The following SLC16A2 variants were observed in gnomAD, a reference collection of about 807,000 sequenced individuals.
SLC16A2 encodes the protein monocarboxylate transporter 8.
Under a neutral mutation model 27.2 loss-of-function variants are expected in SLC16A2, and 3 were observed. That is an observed-to-expected ratio of 0.11 (90% confidence interval 0.05 to 0.28). SLC16A2 has a LOEUF of 0.28. SLC16A2 is among the 10% of genes least tolerant of loss of function. The pLI, the probability that SLC16A2 is intolerant of heterozygous loss-of-function variation, is 1.00. For synonymous variants in SLC16A2, 202 were observed against 187.8 expected (o/e 1.08, Z -0.62); for missense variants, 295 against 458.5 (o/e 0.64, Z 3.26).
chrX:74,484,310 G>A (rs186199184), intron 1 of SLC16A2, among the ~76,000 whole-genome samples: 21 of 111,582 alleles, frequency 1.9e-4, no homozygotes, highest in African/African-American at 6.8e-4. Context: ...GTTCAGAAAG[G>A]CAAAACAACT....
intron 1 of SLC16A2, among the ~76,000 whole-genome samples, chrX:74,504,027 G>T (rs1026620112): frequency 8.9e-6 from 1 of 112,352 alleles, no homozygotes; most frequent in Non-Finnish European, 1.9e-5. Flanking sequence ...GTTAACTATT[G>T]TTACTACTAG....
intron 1 of SLC16A2, among the ~76,000 whole-genome samples, chrX:74,427,567 C>G (rs1339589002): frequency 1.8e-5 from 2 of 111,879 alleles, no homozygotes; most frequent in East Asian, 2.8e-4. Context: ...GCCATATCAA[C>G]CTTTTGAGCA....
intron 1 of SLC16A2, among the ~76,000 whole-genome samples, chrX:74,496,143 G>A (rs757036593): frequency 1.1e-4 from 12 of 111,203 alleles, no homozygotes; most frequent in African/African-American, 3.9e-4. Flanking sequence ...GTCAGGGGTG[G>A]GGATGGTGAA....
At chrX:74,463,374 A>G (rs377051719) in intron 1 of SLC16A2, among the ~76,000 whole-genome samples, 1 of 112,198 alleles carries the variant, frequency 8.9e-6, no homozygotes, top group African/African-American at 3.2e-5. Context: ...ATGATGGTAG[A>G]AACAGAGAAG....
intron 1 of SLC16A2, among the ~76,000 whole-genome samples, chrX:74,480,627 C>T (rs368295877): frequency 4.4e-5 from 5 of 112,443 alleles, no homozygotes; most frequent in African/African-American, 1.6e-4. Context: ...CTTGGCTCCA[C>T]CCTCAAGAAA....
intron 1 of SLC16A2, among the ~76,000 whole-genome samples, chrX:74,451,043 G>T (rs1178385666): frequency 8.9e-6 from 1 of 111,748 alleles, no homozygotes; most frequent in Non-Finnish European, 1.9e-5. Flanking sequence ...GGGTTTCCAT[G>T]GGGATCTGTG....
chrX:74,432,741 G>T (rs777225295), intron 1 of SLC16A2, among the ~76,000 whole-genome samples: 1 of 111,864 alleles, frequency 8.9e-6, no homozygotes, highest in East Asian at 2.8e-4. Context: ...TGGTTTGTCA[G>T]AGGACTGGGG....
chrX:74,470,998 T>A (rs1929346143), intron 1 of SLC16A2, among the ~76,000 whole-genome samples: 1 of 112,561 alleles, frequency 8.9e-6, no homozygotes, highest in Admixed American at 9.4e-5. Context: ...TCTTTGTATA[T>A]ATTATTAACA....
chrX:74,505,331 T>G (rs187077784), intron 1 of SLC16A2, among the ~76,000 whole-genome samples: 1 of 112,045 alleles, frequency 8.9e-6, no homozygotes, highest in African/African-American at 3.2e-5. Context: ...TTCCTTCCTC[T>G]GCTGTTTCCT....
chrX:74,512,317 T>C (rs1930247006), intron 1 of SLC16A2, among the ~76,000 whole-genome samples: 1 of 112,323 alleles, frequency 8.9e-6, no homozygotes, highest in Non-Finnish European at 1.9e-5. Context: ...TCTCTCCACT[T>C]AGCACTGGGT....
intron 1 of SLC16A2, among the ~76,000 whole-genome samples, chrX:74,498,457 A>G (rs1929974512): frequency 9.0e-6 from 1 of 110,893 alleles, no homozygotes; most frequent in African/African-American, 3.3e-5. Context: ...CCACACCTCT[A>G]TGATTGGATC....
Position 74,470,734 on chromosome X carries a change from C to T in SLC16A2, c.430+48667C>T, listed in dbSNP as rs757767866. ...GGCCGAGGCGGGCAGATCAGGAGATCGAGATCATCCTGGCTAACACAGTGA... is the reference window on the plus strand; with the variant it reads ...GGCCGAGGCGGGCAGATCAGGAGATTGAGATCATCCTGGCTAACACAGTGA... On this transcript the variant is annotated intron_variant, in intron 1 of 5. Transcript: ENST00000587091. 1.1e-4 allele frequency among the ~76,000 whole-genome samples: 12 copies of T among 111,117 alleles called. No homozygotes were observed. In the South Asian group the frequency reaches 4.2e-3, roughly 39 times the overall value.
At chrX:74,439,255 C>T (rs1275652767) in intron 1 of SLC16A2, among the ~76,000 whole-genome samples, 1 of 76,961 alleles carries the variant, frequency 1.3e-5, no homozygotes, top group African/African-American at 5.6e-5. Flanking sequence ...TCTTTCTTCT[C>T]TCTTTCTCTC....
intron 4 of SLC16A2, 103 bp downstream of exon 4, chrX:74,525,996 G>A (rs1202947362): frequency 2.1e-6 from 2 of 952,215 alleles, no homozygotes; most frequent in East Asian, 6.4e-5. Flanking sequence ...TGTCGCATGG[G>A]AAAGTCAATC....
At chrX:74,484,839 C>A (rs1240725610) in intron 1 of SLC16A2, among the ~76,000 whole-genome samples, 1 of 111,949 alleles carries the variant, frequency 8.9e-6, no homozygotes, top group Non-Finnish European at 1.9e-5. Context: ...GGCCCAGGGC[C>A]TTAAGAGTCA....
chrX:74,524,235 G>A, intron 2 of SLC16A2, 124 bp from the exon 3 acceptor site: 3 of 674,124 alleles, frequency 4.5e-6, no homozygotes, highest in Non-Finnish European at 7.1e-6. Context: ...CTGTTCTGAG[G>A]GTCAGTGGCA....
At chrX:74,496,690 G>T (rs1376534084) in intron 1 of SLC16A2, among the ~76,000 whole-genome samples, 1 of 112,567 alleles carries the variant, frequency 8.9e-6, no homozygotes, top group Non-Finnish European at 1.9e-5. Flanking sequence ...TCTGTATCCT[G>T]GGTTCTTGCC....
intron 1 of SLC16A2, among the ~76,000 whole-genome samples, chrX:74,464,609 T>C (rs1929217098): frequency 8.9e-6 from 1 of 111,824 alleles, no homozygotes; most frequent in Non-Finnish European, 1.9e-5. Flanking sequence ...CAAATAAAGA[T>C]GGTATTAATT....
intron 1 of SLC16A2, among the ~76,000 whole-genome samples, chrX:74,458,719 A>T (rs757915609): frequency 3.6e-5 from 4 of 111,661 alleles, no homozygotes; most frequent in Non-Finnish European, 7.5e-5. Context: ...TGTACATTAG[A>T]TCTCCAGAAC....
Sources: gnomAD v4.1 joint callset for allele counts (sites outside exome capture counted in the v4.1 genomes callset) on GRCh38, gnomAD v4.1.1 for gene constraint, MANE v1.5 for transcripts, NCBI Gene and HGNC (gene_info 2026-07-23, HGNC 2026-07-21) for gene names.